ASAP1: variants seen among roughly 807,000 people sequenced by gnomAD.
ASAP1 encodes ArfGAP with SH3 domain, ankyrin repeat and PH domain 1.
In ASAP1, 43 loss-of-function variants were observed where a neutral mutation model predicts 145.2. The observed-to-expected ratio is 0.30, with a 90% confidence interval of 0.23 to 0.38. The LOEUF (loss-of-function observed/expected upper bound fraction) is 0.38. Ranked by LOEUF, ASAP1 falls within the 10% of genes least tolerant of loss-of-function variation. The pLI is 1.00. For synonymous variants in ASAP1, 546 were observed against 515.5 expected (o/e 1.06, Z -0.80); for missense variants, 1,018 against 1,355.3 (o/e 0.75, Z 3.91).
chr8:130,256,410 G>A (rs1311048332), intron 3 of ASAP1, among the ~76,000 whole-genome samples: 1 of 151,094 alleles, frequency 6.6e-6, no homozygotes, highest in Non-Finnish European at 1.5e-5. Flanking sequence ...CTGGGGGGTG[G>A]GGGGCGGTGG....
At chr8:130,222,363 T>C (rs4271005) in intron 4 of ASAP1, among the ~76,000 whole-genome samples, 2 of 152,234 alleles carry the variant, frequency 1.3e-5, no homozygotes, top group Admixed American at 6.5e-5. Context: ...TTATGGCTGC[T>C]ACTTATTAAG....
chr8:130,204,931 T>C (rs935785826), intron 5 of ASAP1, among the ~76,000 whole-genome samples: 1 of 152,208 alleles, frequency 6.6e-6, no homozygotes. Context: ...GCTCCTGTTA[T>C]CAGAATTACT....
At chr8:130,311,749 G>A (rs1171502812) in intron 3 of ASAP1, among the ~76,000 whole-genome samples, 72 of 51,414 alleles carry the variant, frequency 1.4e-3, no homozygotes, top group African/African-American at 6.2e-3. Flanking sequence ...CAACAAGAGC[G>A]AAACTCCGTC....
At chr8:130,160,840 T>C (rs1483396854) in intron 11 of ASAP1, 3 of 1,256,050 alleles carry the variant, frequency 2.4e-6, no homozygotes, top group Non-Finnish European at 3.1e-6. Flanking sequence ...GGCAGAACAT[T>C]TGAAAATATA....
intron 3 of ASAP1, among the ~76,000 whole-genome samples, chr8:130,278,257 T>C (rs79608568): frequency 0.019 from 2,961 of 152,070 alleles, 46 homozygotes; most frequent in East Asian, 0.053. Context: ...AGGTATTGAG[T>C]CCAGATCTTT....
At position 130,301,790 on chromosome 8, in the gene ASAP1, T is replaced by A. The variant is rs139795768; in HGVS notation, c.186+56227A>T. Among the ~76,000 whole-genome samples, 1,097 of 152,378 alleles carry A rather than the reference T, an allele frequency of 7.2e-3. 9 individuals carry two copies. Among genetic ancestry groups the A allele is most frequent in the Non-Finnish European group, 0.011 (747 of 68,036 alleles). ...ACGACTGTCTTTCCATGTCAACAGA[T>A]ATGCATATGCATTGTTGTTGAGAGT... On this transcript the variant is annotated intron_variant, in intron 3 of 29. Coordinates refer to ENST00000518721, the MANE Select transcript of ASAP1 (RefSeq NM_018482.4).
At chr8:130,262,416 A>AGAG (rs1363566398) in intron 3 of ASAP1, among the ~76,000 whole-genome samples, 11 of 57,876 alleles carry the variant, frequency 1.9e-4, no homozygotes, top group Non-Finnish European at 3.3e-4. Context: ...AAAAAAAAAA[A>AGAG]AGAGAGAGAG....
At chr8:130,389,578 T>TC (rs1828178652) in intron 2 of ASAP1, among the ~76,000 whole-genome samples, 1 of 152,198 alleles carries the variant, frequency 6.6e-6, no homozygotes, top group Non-Finnish European at 1.5e-5. Context: ...CCCAGTTCCT[T>TC]CCCCAGAGAG....
intron 3 of ASAP1, among the ~76,000 whole-genome samples, chr8:130,268,456 C>G (rs1820389870): frequency 6.7e-6 from 1 of 149,946 alleles, no homozygotes; most frequent in African/African-American, 2.5e-5. Context: ...CCATTATACT[C>G]CAGCCTGGGT....
chr8:130,334,054 A>G (rs1169453788), intron 3 of ASAP1, among the ~76,000 whole-genome samples: 1 of 152,210 alleles, frequency 6.6e-6, no homozygotes, highest in Non-Finnish European at 1.5e-5. Flanking sequence ...CAGTCCAGAA[A>G]GATGAGTAGG....
Position 130,092,120 on chromosome 8 carries a change from G to A in ASAP1, c.2425C>T (p.Leu809Phe). ...GKGPTGPPST[L>F]PLSTQTSSGS... Reference sequence around the variant, plus strand: ...CTAGAGGTCTGGGTGCTTAGAGGGAGTGTTGAAGGTGGGCCAGTTGGACCT... The same window carrying A: ...CTAGAGGTCTGGGTGCTTAGAGGGAATGTTGAAGGTGGGCCAGTTGGACCT... The change falls in exon 25 of 30, where the codon CTC (leucine) becomes TTC (phenylalanine). Residue 809 changes from leucine to phenylalanine, a missense_variant. Leu to Phe is a conservative substitution (Grantham distance 22). Coordinates refer to ENST00000518721, the MANE Select transcript of ASAP1 (RefSeq NM_018482.4). The A allele has an allele frequency of 1.3e-6, 2 of 1,565,798 alleles. No homozygotes were observed. The highest frequency in any genetic ancestry group is 1.7e-6 in the Non-Finnish European group (2 of 1,162,800).
intron 1 of ASAP1, among the ~76,000 whole-genome samples, chr8:130,402,964 C>T (rs1453507435): frequency 6.6e-6 from 1 of 151,080 alleles, no homozygotes; most frequent in Non-Finnish European, 1.5e-5. Flanking sequence ...TGTGTACAGA[C>T]ATAAAAACAG....
chr8:130,151,707 A>G (rs1449132095), intron 13 of ASAP1, among the ~76,000 whole-genome samples: 2 of 152,256 alleles, frequency 1.3e-5, no homozygotes, highest in Admixed American at 6.5e-5. Flanking sequence ...GGACTGGGCC[A>G]CAAGTGTATA....
chr8:130,204,107 C>T (rs956920377), intron 5 of ASAP1, among the ~76,000 whole-genome samples: 10 of 152,092 alleles, frequency 6.6e-5, no homozygotes, highest in African/African-American at 1.9e-4. Context: ...GAGTGAGTTG[C>T]GGGCTATTGA....
chr8:130,405,992 A>G (rs1829010563), intron 1 of ASAP1, among the ~76,000 whole-genome samples: 1 of 152,224 alleles, frequency 6.6e-6, no homozygotes, highest in South Asian at 2.1e-4. Flanking sequence ...ATATTAAGGC[A>G]TAAAATTAAA....
chr8:130,263,339 T>TAGAGAAGAGAATTTGAC (rs1228769587), intron 3 of ASAP1, among the ~76,000 whole-genome samples: 2 of 152,092 alleles, frequency 1.3e-5, no homozygotes, highest in Admixed American at 6.5e-5. Context: ...GAATTTGAAC[T>TAGAGAAGAGAATTTGAC]AGAGAAGAGA....
At chr8:130,391,045 G>A (rs1032075770) in intron 2 of ASAP1, among the ~76,000 whole-genome samples, 5 of 151,278 alleles carry the variant, frequency 3.3e-5, no homozygotes, top group Admixed American at 6.6e-5. Context: ...ATTCATCCAC[G>A]GATGACTGGA....
chr8:130,340,946 T>A (rs1468798596), intron 3 of ASAP1: 2 of 447,974 alleles, frequency 4.5e-6, no homozygotes, highest in Non-Finnish European at 8.9e-6. Flanking sequence ...AATACTAGGT[T>A]TTTTTTTGTT....
At chr8:130,246,055 T>C (rs560630233) in intron 3 of ASAP1, among the ~76,000 whole-genome samples, 4 of 152,176 alleles carry the variant, frequency 2.6e-5, no homozygotes, top group South Asian at 4.2e-4. Flanking sequence ...GCTTACGACC[T>C]GGATGAAGCA....
Sources: allele counts gnomAD v4.1 joint callset (sites outside exome capture counted in the v4.1 genomes callset), GRCh38; gene constraint gnomAD v4.1.1; transcripts MANE v1.5; gene names NCBI Gene and HGNC (gene_info 2026-07-23, HGNC 2026-07-21).